The following ZNF148 variants were observed in gnomAD, a reference collection of about 807,000 sequenced individuals.
The protein encoded by ZNF148 is zinc finger protein 148.
In ZNF148, 7 loss-of-function variants were observed where a neutral mutation model predicts 67.7. The ratio of observed to expected loss-of-function variants is 0.10; its 90% CI spans 0.06 to 0.19. The LOEUF (loss-of-function observed/expected upper bound fraction) is 0.19, where lower values mean the gene tolerates loss of function less well. Among genes scored for constraint, ZNF148 ranks in the 10% least tolerant of loss-of-function variants. The pLI, the probability that ZNF148 is intolerant of heterozygous loss-of-function variation, is 1.00. For synonymous variants in ZNF148, 333 were observed against 330.7 expected, an observed-to-expected ratio of 1.01 and a Z score of -0.08; for missense variants, 583 against 947.1, an observed-to-expected ratio of 0.62 and a Z score of 5.05.
rs926984781 is a variant in ZNF148, at chr3:125,232,180, A to G, written c.*161T>C. On this transcript the variant is annotated 3_prime_UTR_variant, in exon 9 of 9. Transcript: ENST00000360647. The surrounding 1 kb of genome is among the most constrained non-coding windows in gnomAD (Gnocchi z 4.2). ...GCAGTTCAAAGAATGCTGACTAACC[A>G]AACGAAATGCAGTTATTGGATTATC... 1 of 873,364 alleles carries G rather than the reference A, an allele frequency of 1.1e-6. No homozygotes were observed. 54.1% of individuals were successfully genotyped at this position (873,364 alleles called of 1,614,324 possible).
chr3:125,271,311 C>T (rs1217028468), intron 7 of ZNF148, among the ~76,000 whole-genome samples: 2 of 152,198 alleles, frequency 1.3e-5, no homozygotes, highest in African/African-American at 4.8e-5. Context: ...TGGCCATTTA[C>T]ATGCACATCT....
chr3:125,311,896 A>G (rs1346919820), intron 4 of ZNF148, among the ~76,000 whole-genome samples: 1 of 152,188 alleles, frequency 6.6e-6, no homozygotes, highest in African/African-American at 2.4e-5. Flanking sequence ...CTCACACAAG[A>G]AGAATCAGAT....
intron 4 of ZNF148, among the ~76,000 whole-genome samples, chr3:125,304,611 C>T (rs1469834670): frequency 1.3e-5 from 2 of 152,150 alleles, no homozygotes; most frequent in African/African-American, 4.8e-5. Flanking sequence ...GTCTAATGTA[C>T]TCTGCTGGAC....
rs377334475 is a variant in ZNF148, at chr3:125,263,120, T to C, written c.667+14606A>G. Among the ~76,000 whole-genome samples, 308 of 152,376 alleles carry C rather than the reference T, an allele frequency of 2.0e-3. 1 individual carries two copies. Among genetic ancestry groups the C allele is most frequent in the African/African-American group, 7.1e-3 (294 of 41,592 alleles). ...GACATTTAAGTTGCATACCATTCCA[T>C]TCATCCATTTAAAGTGTATAATTCC... On this transcript the variant is annotated intron_variant, in intron 7 of 8. Transcript: ENST00000360647.
intron 3 of ZNF148, among the ~76,000 whole-genome samples, chr3:125,321,818 AT>A (rs1441052009): frequency 6.6e-6 from 1 of 152,196 alleles, no homozygotes; most frequent in African/African-American, 2.4e-5. Context: ...CATAATAAAT[AT>A]TTTAAAAAAA....
chr3:125,291,568 C>T (rs372778490), intron 4 of ZNF148, among the ~76,000 whole-genome samples: 1 of 152,204 alleles, frequency 6.6e-6, no homozygotes, highest in East Asian at 1.9e-4. Flanking sequence ...ACTCCTGATT[C>T]CATTCCCACC....
chr3:125,344,422 C>T, intron 1 of ZNF148: 1 of 762,942 alleles, frequency 1.3e-6, no homozygotes. Flanking sequence ...GGACCCCATT[C>T]CAAAAAAAAG....
intron 1 of ZNF148, chr3:125,344,843 C>T (rs1941877063): frequency 6.5e-6 from 2 of 307,504 alleles, no homozygotes; most frequent in South Asian, 6.7e-5. Flanking sequence ...AGGTGGCAGG[C>T]GATGGGACAC....
At chr3:125,368,049 C>G (rs937810515) in intron 1 of ZNF148, among the ~76,000 whole-genome samples, 5 of 152,164 alleles carry the variant, frequency 3.3e-5, no homozygotes, top group Non-Finnish European at 7.4e-5. Context: ...TCTGAGATCC[C>G]TAAGGAATCT....
chr3:125,363,992 C>T (rs868238466), intron 1 of ZNF148, among the ~76,000 whole-genome samples: 2 of 152,176 alleles, frequency 1.3e-5, no homozygotes, highest in South Asian at 4.1e-4. Flanking sequence ...TCACCAGGTT[C>T]TCTTCATTAC....
chr3:125,277,097 T>C (rs180941008), intron 7 of ZNF148, among the ~76,000 whole-genome samples: 2 of 152,316 alleles, frequency 1.3e-5, no homozygotes, highest in East Asian at 3.9e-4. Flanking sequence ...TCAACATGCT[T>C]AGAGGCAACA....
At chr3:125,249,059 A>G (rs760930996) in intron 7 of ZNF148, among the ~76,000 whole-genome samples, 3 of 152,186 alleles carry the variant, frequency 2.0e-5, no homozygotes, top group Non-Finnish European at 2.9e-5. Flanking sequence ...TAAACATAAG[A>G]CCTGAAACCA....
At chr3:125,286,848 A>T (rs1938687649) in intron 5 of ZNF148, among the ~76,000 whole-genome samples, 1 of 152,222 alleles carries the variant, frequency 6.6e-6, no homozygotes, top group South Asian at 2.1e-4. Context: ...ATCTCTAGGA[A>T]ATGTAACTAT....
chr3:125,288,608 C>T (rs754670942), intron 4 of ZNF148, among the ~76,000 whole-genome samples: 16 of 151,898 alleles, frequency 1.1e-4, no homozygotes, highest in Non-Finnish European at 1.9e-4. Flanking sequence ...GTCCAAAATT[C>T]AACACAATAC....
At chr3:125,344,733 G>A in intron 1 of ZNF148, 1 of 559,816 alleles carries the variant, frequency 1.8e-6, no homozygotes, top group Non-Finnish European at 3.3e-6. Context: ...TTTCCATTAT[G>A]CTTTTTTAAT....
chr3:125,343,624 G>C (rs926624260), intron 1 of ZNF148, among the ~76,000 whole-genome samples: 1 of 152,112 alleles, frequency 6.6e-6, no homozygotes, highest in African/African-American at 2.4e-5. Flanking sequence ...TTGAAAAAAG[G>C]GCATTCTGAT....
intron 4 of ZNF148, among the ~76,000 whole-genome samples, chr3:125,303,450 C>T (rs1330552386): frequency 6.6e-6 from 1 of 152,198 alleles, no homozygotes; most frequent in Non-Finnish European, 1.5e-5. Context: ...ACACACTGTC[C>T]CCACTGCTTG....
chr3:125,356,595 C>T, intron 1 of ZNF148, among the ~76,000 whole-genome samples: 1 of 152,104 alleles, frequency 6.6e-6, no homozygotes, highest in Non-Finnish European at 1.5e-5. Flanking sequence ...TTTACCACTG[C>T]CCTCTATAAA....
At chr3:125,360,761 T>G (rs1327270685) in intron 1 of ZNF148, among the ~76,000 whole-genome samples, 1 of 151,212 alleles carries the variant, frequency 6.6e-6, no homozygotes, top group Non-Finnish European at 1.5e-5. Context: ...GGAAGATCGC[T>G]TGAGACCAGA....
Sources: gnomAD v4.1 joint callset for allele counts (sites outside exome capture counted in the v4.1 genomes callset) on GRCh38, gnomAD v4.1.1 for gene constraint, Gnocchi (gnomAD v3.1) non-coding constraint, MANE v1.5 for transcripts, NCBI Gene and HGNC (gene_info 2026-07-23, HGNC 2026-07-21) for gene names.